The following LOC114841035 variants were observed in gnomAD, a reference collection of about 807,000 sequenced individuals.
At chr11:64,244,057 GC>G in the LOC114841035 span, 1 of 1,608,804 alleles carries the variant, frequency 6.2e-7, no homozygotes, top group Non-Finnish European at 8.5e-7. Context: ...AGGGGGAGAG[GC>G]CCCCATCAGG....
At chr11:64,243,516 G>GGGTGC in the LOC114841035 span, 15 of 1,613,238 alleles carry the variant, frequency 9.3e-6, no homozygotes, top group African/African-American at 2.0e-4. Context: ...CCCCTCCTGA[G>GGGTGC]GGTGCAGAGC....
At chr11:64,241,393 C>CCGG in the LOC114841035 span, among the ~76,000 whole-genome samples, 5 of 150,280 alleles carry the variant, frequency 3.3e-5, no homozygotes, top group Non-Finnish European at 7.4e-5. Flanking sequence ...AAGGCGGAGC[C>CCGG]CGGCGGCGGG....
the LOC114841035 span, chr11:64,242,433 C>T: frequency 6.4e-7 from 1 of 1,553,830 alleles, no homozygotes; most frequent in East Asian, 2.5e-5. Flanking sequence ...GTCCATCTGC[C>T]TGAGCGCCGT....
At chr11:64,243,763 G>T in the LOC114841035 span, 1 of 1,577,800 alleles carries the variant, frequency 6.3e-7, no homozygotes. Flanking sequence ...TTGCTGAGAG[G>T]GGCGGAACAC....
the LOC114841035 span, chr11:64,243,571 T>C: frequency 3.2e-6 from 5 of 1,563,176 alleles, no homozygotes; most frequent in African/African-American, 6.8e-5. Flanking sequence ...TGCTTCAGCT[T>C]TTCATTGGTC....
At chr11:64,241,512 C>T in the LOC114841035 span, among the ~76,000 whole-genome samples, 1 of 146,360 alleles carries the variant, frequency 6.8e-6, no homozygotes, top group African/African-American at 2.6e-5. Flanking sequence ...GGAGCGGAGG[C>T]GCTGGGGGCG....
chr11:64,243,833 T>C, the LOC114841035 span: 8 of 1,613,946 alleles, frequency 5.0e-6, no homozygotes, highest in African/African-American at 1.3e-5. Context: ...TTTGTGCATC[T>C]TCAACAGGGT....
the LOC114841035 span, chr11:64,243,213 T>C: frequency 6.2e-7 from 1 of 1,613,662 alleles, no homozygotes; most frequent in East Asian, 2.2e-5. Flanking sequence ...AGCTGGAAGA[T>C]GGGACAGAGT....
the LOC114841035 span, chr11:64,243,738 C>T: frequency 2.0e-6 from 3 of 1,500,328 alleles, no homozygotes; most frequent in Non-Finnish European, 2.8e-6. Flanking sequence ...TTACCCTTCT[C>T]CATTTCTGGC....
chr11:64,243,635 A>G, the LOC114841035 span: 1 of 1,247,860 alleles, frequency 8.0e-7, no homozygotes, highest in Non-Finnish European at 1.2e-6. Context: ...GGCTGTGTCT[A>G]GCAGTGAGTA....
At chr11:64,242,620 G>T in the LOC114841035 span, 1 of 1,488,704 alleles carries the variant, frequency 6.7e-7, no homozygotes, top group South Asian at 1.3e-5. Flanking sequence ...GAGAGTGCTT[G>T]GGAGTCTGGT....
the LOC114841035 span, chr11:64,242,190 C>T: frequency 2.0e-6 from 1 of 510,420 alleles, no homozygotes; most frequent in Non-Finnish European, 3.3e-6. Context: ...GGGTCCTCGG[C>T]CAAGCCCCCT....
the LOC114841035 span, chr11:64,243,877 G>T: frequency 6.2e-7 from 1 of 1,614,122 alleles, no homozygotes; most frequent in Non-Finnish European, 8.5e-7. Context: ...AAGATTCCAG[G>T]TAGTAAACCT....
At chr11:64,242,595 G>A in the LOC114841035 span, 1 of 1,519,998 alleles carries the variant, frequency 6.6e-7, no homozygotes, top group African/African-American at 1.5e-5. Context: ...GAGTGGGTGG[G>A]GCTTCCGAGG....
At chr11:64,242,619 T>G in the LOC114841035 span, 11 of 1,486,800 alleles carry the variant, frequency 7.4e-6, no homozygotes, top group African/African-American at 1.6e-4. Flanking sequence ...AGAGAGTGCT[T>G]GGGAGTCTGG....
At chr11:64,243,772 ACT>A in the LOC114841035 span, 1 of 1,590,366 alleles carries the variant, frequency 6.3e-7, no homozygotes. Flanking sequence ...GGGGCGGAAC[ACT>A]CTCCCTTTGC....
the LOC114841035 span, chr11:64,244,013 G>C: frequency 2.5e-6 from 4 of 1,613,862 alleles, no homozygotes; most frequent in Non-Finnish European, 3.4e-6. Context: ...AAAATAGAGC[G>C]ACGAACTGAG....
chr11:64,242,635 C>T, the LOC114841035 span: 1 of 1,446,506 alleles, frequency 6.9e-7, no homozygotes, highest in Non-Finnish European at 9.2e-7. Flanking sequence ...TCTGGTTCTC[C>T]ATAAGCCAGG....
the LOC114841035 span, among the ~76,000 whole-genome samples, chr11:64,242,725 G>C: frequency 6.6e-6 from 1 of 152,194 alleles, no homozygotes; most frequent in African/African-American, 2.4e-5. Context: ...CTGCCCAGGT[G>C]GGCACCAGCA....
Sources: allele counts gnomAD v4.1 joint callset (sites outside exome capture counted in the v4.1 genomes callset), GRCh38; gene constraint gnomAD v4.1.1; transcripts MANE v1.5.